The following PLCL2 variants were observed in gnomAD, a reference collection of about 807,000 sequenced individuals.
PLCL2 encodes inactive phospholipase C-like protein 2.
PLCL2 carries 4 observed loss-of-function variants against 79.6 expected under a neutral mutation model. The observed-to-expected ratio is 0.05, with a 90% confidence interval of 0.02 to 0.11. PLCL2 has a LOEUF of 0.11. Ranked by LOEUF, PLCL2 falls within the 10% of genes least tolerant of loss-of-function variation. The pLI is 1.00. For synonymous variants in PLCL2, 484 were observed against 457.7 expected (o/e 1.06, Z -0.73); for missense variants, 895 against 1,291.0 (o/e 0.69, Z 4.70).
At chr3:16,919,437 T>C (rs1186857878) in intron 1 of PLCL2, among the ~76,000 whole-genome samples, 3 of 152,212 alleles carry the variant, frequency 2.0e-5, no homozygotes, top group Non-Finnish European at 4.4e-5. Flanking sequence ...GCCAGAGATT[T>C]ATCAGTTTCA....
At chr3:17,079,130 T>C (rs2065137567) in intron 5 of PLCL2, among the ~76,000 whole-genome samples, 1 of 152,188 alleles carries the variant, frequency 6.6e-6, no homozygotes, top group Non-Finnish European at 1.5e-5. Context: ...GTGCATGCTA[T>C]TTTCCCTGGT....
intron 4 of PLCL2, among the ~76,000 whole-genome samples, chr3:17,052,536 G>A (rs2064853239): frequency 6.6e-6 from 1 of 152,186 alleles, no homozygotes; most frequent in African/African-American, 2.4e-5. Flanking sequence ...AGTGGAAGAA[G>A]TACTGGTACT....
In PLCL2 at chr3:17,014,727, A is replaced by G. The variant is rs2064365331; in HGVS notation, c.2834A>G (p.Lys945Arg). The G allele has an allele frequency of 6.2e-7, 1 of 1,613,738 alleles. No individual in the cohort carries two copies. Among genetic ancestry groups the G allele is most frequent in the Admixed American group, 1.7e-5 (1 of 60,006 alleles). The change falls in exon 3 of 6, where the codon AAG becomes AGG. Residue 945 changes from lysine to arginine, a missense_variant. Transcript: ENST00000615277. ...TAACAGAATGCGGTGGTGTCATTCA[A>G]GGAGCTGTGTGGCCTCTCCTCTGTG... ...ENMQNAVVSF[K>R]ELCGLSSVAN...
rs541576862 is a variant in PLCL2 at position 17,039,382 on chromosome 3, A to G, written c.3019-3492A>G. ...GCTGGACTCTTCACCTGGTGTTGCT[A>G]TAGGAGCCCACAGTCCTGAGAGCTT... On this transcript the variant is annotated intron_variant, in intron 3 of 5. Transcript: ENST00000615277. 1.5e-4 allele frequency among the ~76,000 whole-genome samples: 23 copies of G among 152,338 alleles called. No individual in the cohort carries two copies. The South Asian group carries it at 3.9e-3, about 26-fold the overall frequency.
chr3:17,035,967 GT>G (rs962340558), intron 3 of PLCL2, among the ~76,000 whole-genome samples: 15 of 152,122 alleles, frequency 9.9e-5, no homozygotes, highest in African/African-American at 2.7e-4. Context: ...TTTATATAGG[GT>G]TTTTTCCCCC....
chr3:17,046,667 T>C (rs1176724199), intron 4 of PLCL2, among the ~76,000 whole-genome samples: 1 of 152,128 alleles, frequency 6.6e-6, no homozygotes, highest in Non-Finnish European at 1.5e-5. Context: ...CACAAATCCA[T>C]AAGGACAAAG....
intron 1 of PLCL2, among the ~76,000 whole-genome samples, chr3:16,946,709 C>A (rs1033021128): frequency 1.3e-5 from 2 of 152,010 alleles, no homozygotes; most frequent in African/African-American, 4.8e-5. Context: ...CTTTTCTAGT[C>A]TATAAATGGA....
At chr3:16,957,336 GT>G (rs1223936370) in intron 1 of PLCL2, among the ~76,000 whole-genome samples, 5 of 152,182 alleles carry the variant, frequency 3.3e-5, no homozygotes, top group Admixed American at 3.3e-4. Context: ...TAGTTGAGCG[GT>G]TTTGAGTGAG....
chr3:16,890,828 G>A (rs546188343), intron 1 of PLCL2, among the ~76,000 whole-genome samples: 13 of 152,302 alleles, frequency 8.5e-5, no homozygotes, highest in African/African-American at 2.4e-4. Context: ...AGTCAGAGCC[G>A]CTAGAGCCAG....
intron 3 of PLCL2, among the ~76,000 whole-genome samples, chr3:17,037,581 G>A (rs147222716): frequency 8.7e-4 from 132 of 152,242 alleles, no homozygotes; most frequent in African/African-American, 3.0e-3. Context: ...TCTGTGTTGA[G>A]CAGGACAGGC....
At chr3:16,910,876 C>T (rs1338230085) in intron 1 of PLCL2, among the ~76,000 whole-genome samples, 1 of 152,110 alleles carries the variant, frequency 6.6e-6, no homozygotes, top group Non-Finnish European at 1.5e-5. Flanking sequence ...TCATGTACTA[C>T]ATCAAGTCTA....
At chr3:16,980,982 G>A (rs900136301) in intron 1 of PLCL2, among the ~76,000 whole-genome samples, 6 of 152,242 alleles carry the variant, frequency 3.9e-5, no homozygotes, top group South Asian at 4.1e-4. Flanking sequence ...AAAAAAATAC[G>A]AAAACCAGTC....
Position 16,923,626 on chromosome 3 carries a change from T to C in PLCL2, c.327+38260T>C, listed in dbSNP as rs570145554. Among the ~76,000 whole-genome samples the C allele has an allele frequency of 7.9e-5, 12 of 152,360 alleles. No individual in the cohort carries two copies. In the East Asian group the frequency reaches 2.3e-3, roughly 29 times the overall value. ...ACACTCACATAACCACTTCTGTTAG[T>C]ACCACCCTTAATTAAACATTATTTT... On this transcript the variant is annotated intron_variant, in intron 1 of 5. Coordinates refer to ENST00000615277, the MANE Select transcript of PLCL2 (RefSeq NM_001144382.2).
chr3:16,903,476 T>C (rs1696676643), intron 1 of PLCL2, among the ~76,000 whole-genome samples: 1 of 152,172 alleles, frequency 6.6e-6, no homozygotes, highest in Non-Finnish European at 1.5e-5. Context: ...GTCTCTTATA[T>C]TGGAAAAATA....
chr3:17,090,254 G>A lies in PLCL2; in HGVS notation c.*342G>A, dbSNP rs148275676. 2,696 of 994,118 alleles carry A rather than the reference G, an allele frequency of 2.7e-3. 8 individuals are homozygous for A. The highest frequency in any genetic ancestry group is 3.1e-3 in the Non-Finnish European group (2,552 of 834,014). 61.6% of individuals were successfully genotyped at this position (994,118 alleles called of 1,614,324 possible). ...CAATTTCTTAAGATGGAAATGGATT[G>A]GATTGTCAAATTATTATTTATTGGA... is the stretch of plus-strand genomic sequence containing the variant. On this transcript the variant is annotated 3_prime_UTR_variant, in exon 6 of 6. Transcript: ENST00000615277.
At chr3:17,017,972 G>T (rs1199693086) in intron 3 of PLCL2, among the ~76,000 whole-genome samples, 2 of 152,154 alleles carry the variant, frequency 1.3e-5, no homozygotes, top group African/African-American at 4.8e-5. Context: ...GACTTGTGGT[G>T]CTCTCGTGGC....
chr3:16,967,115 G>A (rs926711384), intron 1 of PLCL2, among the ~76,000 whole-genome samples: 2 of 152,112 alleles, frequency 1.3e-5, no homozygotes, highest in African/African-American at 4.8e-5. Context: ...TTTTATGGCT[G>A]TGTAGTATTC....
intron 1 of PLCL2, among the ~76,000 whole-genome samples, chr3:16,965,629 G>C (rs1364948119): frequency 3.1e-4 from 47 of 151,516 alleles, no homozygotes; most frequent in Non-Finnish European, 5.5e-4. Context: ...CCATTTTCAC[G>C]ATATTGATTC....
chr3:17,007,825 T>C (rs1019019084), intron 1 of PLCL2, among the ~76,000 whole-genome samples: 1 of 152,242 alleles, frequency 6.6e-6, no homozygotes, highest in Admixed American at 6.5e-5. Context: ...ATGAAAGTGA[T>C]ATAATTCCAA....
Sources: gnomAD v4.1 joint callset for allele counts (sites outside exome capture counted in the v4.1 genomes callset) on GRCh38, gnomAD v4.1.1 for gene constraint, MANE v1.5 for transcripts, NCBI Gene and HGNC (gene_info 2026-07-23, HGNC 2026-07-21) for gene names.